SI: variants seen among roughly 807,000 people sequenced by gnomAD.
SI encodes sucrase-isomaltase, intestinal.
SI carries 235 observed loss-of-function variants against 253.3 expected under a neutral mutation model. That is an observed-to-expected ratio of 0.93 (90% CI 0.83 to 1.03). The LOEUF is 1.03. SI is among the 50% of genes least tolerant of loss of function. The probability of loss-of-function intolerance (pLI) is 0.00; values close to 1 mark genes in which losing one functional copy is unlikely to be tolerated. For missense variants in SI, 2,442 were observed against 2,211.1 expected (o/e 1.10, Z -2.09); for synonymous variants, 819 against 712.0 (o/e 1.15, Z -2.39).
rs1181415297 is a variant in SI at position 165,074,471 on chromosome 3, ATTATC to A, written c.255+55_255+59del. On this transcript the variant is annotated intron_variant, in intron 3 of 47. Coordinates refer to ENST00000264382, the MANE Select transcript of SI (RefSeq NM_001041.4). ...AATAAGATCGATCCAATATTCAGCA[ATTATC>A]TTAATATAATAATGTATATATTCAT... 2.1e-5 allele frequency: 22 copies of A among 1,072,958 alleles called. No individual in the cohort carries two copies. In the African/African-American group the frequency reaches 3.4e-4, roughly 17 times the overall value. 66.5% of individuals were successfully genotyped at this position (1,072,958 alleles called of 1,614,324 possible).
chr3:165,036,752 A>G (rs573723687), intron 21 of SI, among the ~76,000 whole-genome samples: 2 of 151,976 alleles, frequency 1.3e-5, no homozygotes, highest in East Asian at 3.9e-4. Context: ...ATACTTGCAA[A>G]ATTGAAATAA....
intron 37 of SI, among the ~76,000 whole-genome samples, chr3:165,003,133 A>C (rs1718334414): frequency 1.3e-5 from 2 of 151,832 alleles, no homozygotes; most frequent in African/African-American, 4.8e-5. Flanking sequence ...GATAATGATG[A>C]ATTTATTTAA....
intron 25 of SI, 89 bp from the exon 26 acceptor site, chr3:165,023,865 T>A: frequency 1.1e-6 from 1 of 880,260 alleles, no homozygotes; most frequent in East Asian, 2.6e-5. Context: ...AGTCACACAT[T>A]GTATGATTTA....
chr3:165,087,989 A>G, the SI span, among the ~76,000 whole-genome samples: 1 of 152,174 alleles, frequency 6.6e-6, no homozygotes, highest in Non-Finnish European at 1.5e-5. Flanking sequence ...AGGAATTACA[A>G]TTCTTCATGC....
At chr3:165,020,170 A>C (rs2108180872) in intron 27 of SI, among the ~76,000 whole-genome samples, 1 of 151,886 alleles carries the variant, frequency 6.6e-6, no homozygotes, top group South Asian at 2.1e-4. Context: ...CATATGGAAT[A>C]AAAATACATC....
chr3:165,066,912 G>T (rs1306154879), intron 6 of SI, among the ~76,000 whole-genome samples: 1 of 151,688 alleles, frequency 6.6e-6, no homozygotes, highest in African/African-American at 2.4e-5. Flanking sequence ...CATAATGAAG[G>T]TGTTCATTCT....
chr3:165,034,337 T>C (rs2108208402), intron 22 of SI, among the ~76,000 whole-genome samples: 1 of 152,146 alleles, frequency 6.6e-6, no homozygotes, highest in South Asian at 2.1e-4. Flanking sequence ...AAGCTATTCA[T>C]ATGCATCTTT....
chr3:165,006,125 T>G, intron 37 of SI, among the ~76,000 whole-genome samples: 1 of 152,234 alleles, frequency 6.6e-6, no homozygotes, highest in East Asian at 1.9e-4. Context: ...ATTTTTATTT[T>G]GAAACAGAGA....
chr3:164,992,121 C>T, intron 43 of SI, 56 bp downstream of exon 43: 1 of 1,410,010 alleles, frequency 7.1e-7, no homozygotes, highest in Non-Finnish European at 1.0e-6. Flanking sequence ...AAGGCTAGGG[C>T]CAAACAATTA....
At chr3:165,061,491 C>T (rs1321908864) in intron 9 of SI, among the ~76,000 whole-genome samples, 3 of 151,926 alleles carry the variant, frequency 2.0e-5, no homozygotes, top group African/African-American at 7.2e-5. Context: ...CTGCAAAAAA[C>T]CTTAGCTGCT....
chr3:165,055,697 A>T (rs182716399), intron 12 of SI, among the ~76,000 whole-genome samples: 8 of 152,210 alleles, frequency 5.3e-5, no homozygotes, highest in African/African-American at 9.6e-5. Context: ...CCTCCAAGCA[A>T]TTTTAAAAAC....
intron 21 of SI, 92 bp downstream of exon 21, chr3:165,037,808 A>T: frequency 1.1e-6 from 1 of 925,042 alleles, no homozygotes. Context: ...TCTGGTGCAG[A>T]AACTAAATAT....
Position 165,049,876 on chromosome 3 carries a change from C to T in SI, c.1513-1G>A, listed in dbSNP as rs767159890. 5.8e-6 allele frequency: 9 copies of T among 1,564,398 alleles called. No individual in the cohort carries two copies. Among genetic ancestry groups the T allele is most frequent in the Non-Finnish European group, 7.9e-6 (9 of 1,135,474 alleles). ...TAAAGCTGGAAACTTCATTCATGTC[C>T]TGAATGGATACAAAATGAAGAACAG... On this transcript the variant is annotated splice_acceptor_variant, in intron 13 of 47. Transcript: ENST00000264382. LOFTEE classifies it high-confidence loss of function.
At chr3:165,089,582 T>C in the SI span, among the ~76,000 whole-genome samples, 1 of 152,148 alleles carries the variant, frequency 6.6e-6, no homozygotes, top group Non-Finnish European at 1.5e-5. Context: ...AGCGATCTGC[T>C]CTTCTTTGAC....
At chr3:165,067,579 T>C in intron 5 of SI, 88 bp from the exon 6 acceptor site, 3 of 1,187,152 alleles carry the variant, frequency 2.5e-6, no homozygotes, top group Admixed American at 3.6e-5. Flanking sequence ...AAGTTCCAAA[T>C]AAAAAATAAC....
In SI at chr3:165,043,058, C is replaced by T. The variant is rs756283847; in HGVS notation, c.2004+1G>A. 1.3e-6 allele frequency: 2 copies of T among 1,568,344 alleles called. No homozygotes were observed. Among genetic ancestry groups the T allele is most frequent in the Admixed American group, 1.7e-5 (1 of 59,850 alleles). On this transcript the variant is annotated splice_donor_variant, in intron 17 of 47. Transcript: ENST00000264382. LOFTEE classifies it high-confidence loss of function. ...CAACATGGAGAACAAGAGGCTCTTA[C>T]TTCATATCCGTCAGAATTATGGTTT...
At chr3:165,065,455 AAATAATCTAATATATATATATAT>A (rs1378030355) in intron 6 of SI, 23 bp from the exon 7 acceptor site, 1 of 754,352 alleles carries the variant, frequency 1.3e-6, no homozygotes, top group African/African-American at 2.0e-5. Context: ...AGAAATAAAG[AAATAATCTAATATATATATATAT>A]ATATATATAT....
chr3:165,022,711 T>G (rs1466292280), intron 26 of SI, among the ~76,000 whole-genome samples: 2 of 151,614 alleles, frequency 1.3e-5, no homozygotes, highest in East Asian at 1.9e-4. Context: ...TTGTATGAAT[T>G]TTTATTCTTT....
At chr3:165,055,656 A>G (rs1327606724) in intron 12 of SI, among the ~76,000 whole-genome samples, 1 of 152,076 alleles carries the variant, frequency 6.6e-6, no homozygotes, top group Non-Finnish European at 1.5e-5. Flanking sequence ...CCATAAAATA[A>G]AGCACATTAG....
Sources: allele counts gnomAD v4.1 joint callset (sites outside exome capture counted in the v4.1 genomes callset), GRCh38; gene constraint gnomAD v4.1.1; transcripts MANE v1.5; gene names NCBI Gene and HGNC (gene_info 2026-07-23, HGNC 2026-07-21).